C1orf185: variants seen among roughly 807,000 people sequenced by gnomAD.
C1orf185 encodes uncharacterized protein C1orf185.
C1orf185 carries 13 observed loss-of-function variants against 16.1 expected under a neutral mutation model. That is an observed-to-expected ratio of 0.81 (90% CI 0.53 to 1.28). The LOEUF (loss-of-function observed/expected upper bound fraction) is 1.28, where lower values mean the gene tolerates loss of function less well. C1orf185 is among the 50% of genes most tolerant of loss of function. The probability of loss-of-function intolerance (pLI) is 0.00; values close to 1 mark genes in which losing one functional copy is unlikely to be tolerated. For missense variants in C1orf185, 220 were observed against 225.2 expected (o/e 0.98, Z 0.15); for synonymous variants, 80 against 76.9 (o/e 1.04, Z -0.21).
At chr1:51,115,380 T>C (rs1007114980) in intron 2 of C1orf185, among the ~76,000 whole-genome samples, 22 of 152,248 alleles carry the variant, frequency 1.4e-4, no homozygotes, top group Non-Finnish European at 2.8e-4. Context: ...ATTGCATTTA[T>C]CCATCCATAG....
intron 3 of C1orf185, among the ~76,000 whole-genome samples, chr1:51,136,916 A>T (rs764874739): frequency 3.3e-5 from 5 of 152,220 alleles, no homozygotes; most frequent in Non-Finnish European, 7.3e-5. Flanking sequence ...ATGGGATCTA[A>T]TTTAACTAAA....
rs955588784 is a variant in C1orf185 at position 51,147,896 on chromosome 1, T to C, written c.*125T>C. ...TGAAACCTTGTATACAATCAGCTTCTGAGTCTCTTAACATGTCCATGCTAA... is the reference window on the plus strand; with the variant it reads ...TGAAACCTTGTATACAATCAGCTTCCGAGTCTCTTAACATGTCCATGCTAA... On this transcript the variant is annotated 3_prime_UTR_variant, in exon 5 of 5. Transcript: ENST00000371759. 5.7e-6 allele frequency: 5 copies of C among 881,452 alleles called. No homozygotes were observed. The highest frequency in any genetic ancestry group is 8.2e-6 in the Non-Finnish European group (5 of 606,958). 54.6% of individuals were successfully genotyped at this position (881,452 alleles called of 1,614,324 possible).
chr1:51,140,418 C>T (rs1249261246), intron 3 of C1orf185, among the ~76,000 whole-genome samples: 1 of 152,164 alleles, frequency 6.6e-6, no homozygotes, highest in Non-Finnish European at 1.5e-5. Context: ...TGAAATAATA[C>T]TAGCAGTCTA....
At position 51,125,097 on chromosome 1, in the gene C1orf185, A is replaced by G. The variant is rs139065594; in HGVS notation, c.258+6296A>G. 3.6e-3 allele frequency among the ~76,000 whole-genome samples: 546 copies of G among 152,278 alleles called. 1 individual carries two copies. Among genetic ancestry groups the G allele is most frequent in the Non-Finnish European group, 4.4e-3 (300 of 68,008 alleles). Reference sequence around the variant, plus strand: ...CCAACGGGAAGGTGTTTTTGTTTTCAGGGTCAAAAGATGGGATGCGGTTGG... The same window carrying G: ...CCAACGGGAAGGTGTTTTTGTTTTCGGGGTCAAAAGATGGGATGCGGTTGG... On this transcript the variant is annotated intron_variant, in intron 3 of 4. Transcript: ENST00000371759.
intron 3 of C1orf185, among the ~76,000 whole-genome samples, chr1:51,122,354 A>G (rs990573494): frequency 7.2e-5 from 11 of 152,198 alleles, no homozygotes; most frequent in African/African-American, 2.7e-4. Flanking sequence ...AGATTACTTC[A>G]TATCTTCAAC....
intron 3 of C1orf185, among the ~76,000 whole-genome samples, chr1:51,139,811 A>T (rs1646352138): frequency 6.6e-6 from 1 of 152,194 alleles, no homozygotes; most frequent in African/African-American, 2.4e-5. Context: ...GCTTTATAAC[A>T]ACAAAGGTTT....
chr1:51,151,379 A>T (rs1646428725), downstream of C1orf185, among the ~76,000 whole-genome samples: 1 of 152,228 alleles, frequency 6.6e-6, no homozygotes, highest in South Asian at 2.1e-4. Context: ...AAGGAAGTGA[A>T]GTTTAAGGAG....
intron 3 of C1orf185, among the ~76,000 whole-genome samples, chr1:51,131,582 TG>T (rs147899843): frequency 0.013 from 1,904 of 151,802 alleles, 41 homozygotes; most frequent in African/African-American, 0.044. Flanking sequence ...GAGACCAGCC[TG>T]GGCAACAAAG....
intron 2 of C1orf185, among the ~76,000 whole-genome samples, chr1:51,116,996 A>T (rs935272824): frequency 6.6e-6 from 1 of 152,146 alleles, no homozygotes; most frequent in African/African-American, 2.4e-5. Context: ...TTTCCTTGAC[A>T]GCAATTTCCA....
At chr1:51,106,764 T>G (rs1346435511) in intron 1 of C1orf185, among the ~76,000 whole-genome samples, 2 of 151,648 alleles carry the variant, frequency 1.3e-5, no homozygotes, top group African/African-American at 2.4e-5. Context: ...TCTGTAATTT[T>G]TTTTTTTTTT....
intron 1 of C1orf185, among the ~76,000 whole-genome samples, chr1:51,103,358 A>ATCATGCCAC (rs1646045834): frequency 6.7e-6 from 1 of 149,716 alleles, no homozygotes; most frequent in South Asian, 2.1e-4. Flanking sequence ...ATGAGCTATG[A>ATCATGCCAC]TCATGCCACT....
chr1:51,109,336 C>T (rs997181464), intron 1 of C1orf185, among the ~76,000 whole-genome samples: 3 of 152,162 alleles, frequency 2.0e-5, no homozygotes, highest in African/African-American at 7.2e-5. Flanking sequence ...GAATGGTTTG[C>T]AAATATTTCC....
chr1:51,138,583 G>A (rs1232460933), intron 3 of C1orf185, among the ~76,000 whole-genome samples: 3 of 152,054 alleles, frequency 2.0e-5, no homozygotes, highest in East Asian at 1.9e-4. Flanking sequence ...TAGCAGAGAC[G>A]GGCTTTCACC....
chr1:51,116,740 C>T (rs922287287), intron 2 of C1orf185, among the ~76,000 whole-genome samples: 1 of 152,158 alleles, frequency 6.6e-6, no homozygotes, highest in Admixed American at 6.5e-5. Flanking sequence ...TCATCTCCCA[C>T]TTTCCCTCCT....
At chr1:51,122,501 A>G (rs1409620825) in intron 3 of C1orf185, among the ~76,000 whole-genome samples, 2 of 152,190 alleles carry the variant, frequency 1.3e-5, no homozygotes, top group African/African-American at 4.8e-5. Flanking sequence ...GAGTCCCACT[A>G]TATTCTTTCC....
At chr1:51,106,845 A>T (rs1570285209) in intron 1 of C1orf185, among the ~76,000 whole-genome samples, 1 of 150,504 alleles carries the variant, frequency 6.6e-6, no homozygotes, top group East Asian at 2.0e-4. Context: ...GCAACCTCCA[A>T]CTCCCTGGTT....
In C1orf185 at chr1:51,118,529, G is replaced by C. The variant is rs954972085; in HGVS notation, c.123-137G>C. On this transcript the variant is annotated intron_variant, in intron 2 of 4. Transcript: ENST00000371759. ...GAGTAGGGAGTATGTAAATTGACTTGTGCTTTTAAAAATAAATATGCTATA... is the reference window on the plus strand; with the variant it reads ...GAGTAGGGAGTATGTAAATTGACTTCTGCTTTTAAAAATAAATATGCTATA... 3 of 507,156 alleles carry C rather than the reference G, an allele frequency of 5.9e-6. No homozygotes were observed. In the Admixed American group the frequency reaches 1.3e-4, roughly 21 times the overall value. 31.4% of individuals were successfully genotyped at this position (507,156 alleles called of 1,614,324 possible).
chr1:51,104,326 A>C (rs1005391104), intron 1 of C1orf185, among the ~76,000 whole-genome samples: 5 of 152,240 alleles, frequency 3.3e-5, no homozygotes, highest in African/African-American at 1.2e-4. Flanking sequence ...TGCAAAAAAT[A>C]ATCTGAAAAT....
chr1:51,102,315 G>A (rs940811371), intron 1 of C1orf185, 66 bp downstream of exon 1: 6 of 700,880 alleles, frequency 8.6e-6, no homozygotes, highest in African/African-American at 1.8e-5. Context: ...ATATTTAGAC[G>A]AACAACCAGA....
Sources: allele counts gnomAD v4.1 joint callset (sites outside exome capture counted in the v4.1 genomes callset), GRCh38; gene constraint gnomAD v4.1.1; transcripts MANE v1.5; gene names NCBI Gene and HGNC (gene_info 2026-07-23, HGNC 2026-07-21).